RANBP2: variants seen among roughly 807,000 people sequenced by gnomAD.
RANBP2 encodes E3 SUMO-protein ligase RanBP2.
In RANBP2, 57 loss-of-function variants were observed where a neutral mutation model predicts 303.6. That is an observed-to-expected ratio of 0.19 (90% CI 0.15 to 0.23). RANBP2 has a LOEUF of 0.23. RANBP2 is among the 10% of genes least tolerant of loss of function. RANBP2 has a pLI of 1.00. For synonymous variants in RANBP2, 1,167 were observed against 1,301.5 expected (o/e 0.90, Z 2.23); for missense variants, 3,138 against 3,780.8 (o/e 0.83, Z 4.46).
the RANBP2 span, among the ~76,000 whole-genome samples, chr2:108,823,583 C>T: frequency 3.3e-5 from 5 of 152,226 alleles, no homozygotes; most frequent in Admixed American, 6.5e-5. Flanking sequence ...TCCTGTACAG[C>T]ATTTGCTATG....
chr2:109,410,628 C>A, the RANBP2 span, among the ~76,000 whole-genome samples: 2 of 152,354 alleles, frequency 1.3e-5, no homozygotes, highest in South Asian at 4.1e-4. Context: ...TCTGTAGGGT[C>A]AGTGACTCAG....
At chr2:108,791,906 A>G in the RANBP2 span, 1 of 1,187,580 alleles carries the variant, frequency 8.4e-7, no homozygotes, top group Non-Finnish European at 1.1e-6. Flanking sequence ...GAGTTTGCAT[A>G]TTTCTGTGTT....
chr2:109,429,218 C>A, the RANBP2 span, among the ~76,000 whole-genome samples: 515 of 152,264 alleles, frequency 3.4e-3, no homozygotes, highest in Non-Finnish European at 5.5e-3. Context: ...GCAGTTGACC[C>A]CCACCCGGGC....
chr2:108,837,425 G>A, the RANBP2 span, among the ~76,000 whole-genome samples: 1 of 152,126 alleles, frequency 6.6e-6, no homozygotes, highest in Non-Finnish European at 1.5e-5. Context: ...ATACCGCCAT[G>A]CACTGTATAA....
the RANBP2 span, among the ~76,000 whole-genome samples, chr2:109,282,501 C>T: frequency 2.6e-5 from 4 of 152,274 alleles, no homozygotes; most frequent in South Asian, 8.3e-4. Flanking sequence ...AAGACGCCGG[C>T]CTGCCCTGCG....
the RANBP2 span, among the ~76,000 whole-genome samples, chr2:109,279,130 T>C: frequency 6.6e-6 from 1 of 152,180 alleles, no homozygotes; most frequent in African/African-American, 2.4e-5. Context: ...TGGAAAACCA[T>C]CCATGGGATA....
At chr2:108,840,998 T>A in the RANBP2 span, among the ~76,000 whole-genome samples, 1 of 151,390 alleles carries the variant, frequency 6.6e-6, no homozygotes, top group African/African-American at 2.4e-5. Context: ...TTTTTGTGTG[T>A]GTGTTTTTTG....
At chr2:109,422,286 A>G in the RANBP2 span, among the ~76,000 whole-genome samples, 1 of 152,226 alleles carries the variant, frequency 6.6e-6, no homozygotes, top group African/African-American at 2.4e-5. Flanking sequence ...CTGATGTGAA[A>G]GTCAGCCATG....
intron 2 of RANBP2, 61 bp downstream of exon 2, chr2:108,729,260 C>T: frequency 6.7e-7 from 1 of 1,494,808 alleles, no homozygotes; most frequent in South Asian, 1.2e-5. Context: ...TCATTTTCTT[C>T]TTTGAAATAG....
rs1238632184 is a variant in RANBP2, at chr2:108,753,528, A to G, written c.2020A>G (p.Ile674Val). 1 of 1,611,868 alleles carries G rather than the reference A, an allele frequency of 6.2e-7. No individual in the cohort carries two copies. Among genetic ancestry groups the G allele is most frequent in the Non-Finnish European group, 8.5e-7 (1 of 1,179,818 alleles). The change falls in exon 14 of 29, where the codon ATA (isoleucine) becomes GTA (valine). Residue 674 changes from isoleucine to valine, a missense_variant. Physicochemically the swap from Ile to Val is conservative, Grantham distance 29 (BLOSUM62 3). Transcript: ENST00000283195. ...IEDAVTAFES[I>V]KSVVSYWNLA... is the part of the protein sequence containing the mutation. ...AGATGCTGTGACTGCTTTTGAATCTATAAAAAGTGTTGTTTCTTATTGGAA... is the reference window on the plus strand; with the variant it reads ...AGATGCTGTGACTGCTTTTGAATCTGTAAAAAGTGTTGTTTCTTATTGGAA...
At chr2:109,619,927 A>G in the RANBP2 span, among the ~76,000 whole-genome samples, 19 of 152,210 alleles carry the variant, frequency 1.2e-4, no homozygotes, top group African/African-American at 4.6e-4. Context: ...ATGACTCTAC[A>G]GAAACTTGTT....
At chr2:108,786,295 A>G (rs112927844), downstream of RANBP2, among the ~76,000 whole-genome samples, 4 of 130,276 alleles carry the variant, frequency 3.1e-5, no homozygotes, top group African/African-American at 9.0e-5. Context: ...GAGTCTTGCT[A>G]TGTTACCCAA....
the RANBP2 span, among the ~76,000 whole-genome samples, chr2:108,946,920 A>G: frequency 3.3e-5 from 5 of 152,188 alleles, no homozygotes; most frequent in Non-Finnish European, 5.9e-5. Flanking sequence ...TTCAAAACCA[A>G]TCATGCCTTC....
the RANBP2 span, among the ~76,000 whole-genome samples, chr2:109,476,500 T>C: frequency 6.6e-6 from 1 of 152,218 alleles, no homozygotes; most frequent in African/African-American, 2.4e-5. Context: ...ACCCAAGATA[T>C]TTGGACCTTC....
the RANBP2 span, among the ~76,000 whole-genome samples, chr2:109,420,538 C>G: frequency 2.6e-5 from 4 of 152,246 alleles, no homozygotes; most frequent in Non-Finnish European, 2.9e-5. Context: ...CTCCGCCCCC[C>G]AGGTTCACGC....
At chr2:109,547,819 T>C in the RANBP2 span, among the ~76,000 whole-genome samples, 2 of 152,178 alleles carry the variant, frequency 1.3e-5, no homozygotes, top group African/African-American at 4.8e-5. Context: ...ACTCGATAAA[T>C]ATTAGCCATT....
the RANBP2 span, among the ~76,000 whole-genome samples, chr2:108,988,422 C>G: frequency 6.6e-5 from 10 of 152,116 alleles, no homozygotes; most frequent in Non-Finnish European, 1.3e-4. Flanking sequence ...AAATAGGTAC[C>G]CACTCCCCTC....
At chr2:108,731,612 T>A in intron 4 of RANBP2, 138 bp downstream of exon 4, 1 of 1,507,024 alleles carries the variant, frequency 6.6e-7, no homozygotes, top group East Asian at 2.3e-5. Context: ...AAAAAGTGTG[T>A]TAAAACCTTT....
At chr2:109,064,306 A>G in the RANBP2 span, among the ~76,000 whole-genome samples, 1 of 151,910 alleles carries the variant, frequency 6.6e-6, no homozygotes, top group Non-Finnish European at 1.5e-5. Context: ...AAATACAAAA[A>G]TTAGCCGGGC....
Sources: allele counts gnomAD v4.1 joint callset (sites outside exome capture counted in the v4.1 genomes callset), GRCh38; gene constraint gnomAD v4.1.1; transcripts MANE v1.5; gene names NCBI Gene and HGNC (gene_info 2026-07-23, HGNC 2026-07-21).